The following EPB41 variants were observed in gnomAD, a reference collection of about 807,000 sequenced individuals.
EPB41 encodes the protein erythrocyte membrane protein band 4.1.
A neutral mutation model predicts 108.0 loss-of-function variants in EPB41; 65 were observed. The observed-to-expected ratio is 0.60, with a 90% CI of 0.49 to 0.74. EPB41 has a LOEUF of 0.74. EPB41 is among the 30% of genes least tolerant of loss of function. EPB41 has a pLI of 0.00. For synonymous variants in EPB41, 336 were observed against 358.9 expected (o/e 0.94, Z 0.72); for missense variants, 875 against 1,037.0 (o/e 0.84, Z 2.15).
intron 5 of EPB41, among the ~76,000 whole-genome samples, chr1:29,013,856 A>T (rs66854407): frequency 0.28 from 30,675 of 110,446 alleles, 4,061 homozygotes; most frequent in African/African-American, 0.48. Context: ...TTTTTTTTTT[A>T]ATCACACAAG....
At chr1:28,963,910 CT>C (rs1182071521) in intron 1 of EPB41, among the ~76,000 whole-genome samples, 1 of 152,166 alleles carries the variant, frequency 6.6e-6, no homozygotes, top group African/African-American at 2.4e-5. Context: ...TCAGTTAGTG[CT>C]TTTTTCTGAC....
At chr1:28,955,668 C>A (rs1345301477) in intron 1 of EPB41, among the ~76,000 whole-genome samples, 1 of 152,030 alleles carries the variant, frequency 6.6e-6, no homozygotes, top group Non-Finnish European at 1.5e-5. Context: ...TTCTACTTGA[C>A]TGTCCTCCGT....
chr1:29,105,790 C>T (rs925684410), intron 17 of EPB41, among the ~76,000 whole-genome samples: 12 of 138,474 alleles, frequency 8.7e-5, no homozygotes, highest in Non-Finnish European at 1.7e-4. Context: ...GCTCTGTTGC[C>T]GAGGCTGGAG....
chr1:28,944,817 G>A (rs1211061098), intron 1 of EPB41, among the ~76,000 whole-genome samples: 1 of 150,816 alleles, frequency 6.6e-6, no homozygotes, highest in Non-Finnish European at 1.5e-5. Flanking sequence ...TTACAGGTGT[G>A]TAATGTAATG....
rs1653742071 is a variant in EPB41 at position 29,075,677 on chromosome 1, GA to G, written c.2184+10523del. ...TTTTCTTATCTACTACCTCTTCAAA[GA>G]AAAGTCTTCATATTTATAAGATCCT... On this transcript the variant is annotated intron_variant, in intron 16 of 20. Transcript: ENST00000343067. 2.0e-5 allele frequency among the ~76,000 whole-genome samples: 3 copies of G among 152,124 alleles called. No homozygotes were observed. In the South Asian group the frequency reaches 6.2e-4, roughly 31 times the overall value.
At chr1:28,910,185 T>G (rs1191382696), upstream of EPB41, among the ~76,000 whole-genome samples, 2 of 152,202 alleles carry the variant, frequency 1.3e-5, no homozygotes, top group Non-Finnish European at 2.9e-5. Context: ...TTATAGTGAC[T>G]TACATTTTTT....
intron 12 of EPB41, among the ~76,000 whole-genome samples, chr1:29,056,468 A>G (rs749271964): frequency 2.0e-5 from 3 of 151,968 alleles, no homozygotes; most frequent in Non-Finnish European, 4.4e-5. Flanking sequence ...TCCCCCATGT[A>G]TATTATCTCA....
chr1:29,012,363 C>T lies in EPB41; in HGVS notation c.829+456C>T, dbSNP rs889581510. On this transcript the variant is annotated intron_variant, in intron 5 of 20. Transcript: ENST00000343067. ...TTCCTCTTTATGGTTGTTTTCATCC[C>T]TTTTAACAGTCCTCTTCCAAACTGC... Among the ~76,000 whole-genome samples, 38 of 152,036 alleles carry T rather than the reference C, an allele frequency of 2.5e-4. 1 individual carries two copies. The highest frequency in any genetic ancestry group is 2.9e-5 in the Non-Finnish European group (2 of 68,024).
chr1:28,957,775 G>A (rs1007471548), intron 1 of EPB41, among the ~76,000 whole-genome samples: 2 of 151,958 alleles, frequency 1.3e-5, no homozygotes, highest in African/African-American at 2.4e-5. Flanking sequence ...TTTTGCTGTG[G>A]GGAAAAAATC....
chr1:29,046,779 A>T (rs1414398563), intron 11 of EPB41, among the ~76,000 whole-genome samples: 1 of 152,184 alleles, frequency 6.6e-6, no homozygotes, highest in Non-Finnish European at 1.5e-5. Flanking sequence ...TCATCAGTTG[A>T]TATAATAAAA....
At chr1:28,905,798 CTCTTTCTT>C (rs141238085) in intron 1 of EPB41, among the ~76,000 whole-genome samples, 1 of 150,484 alleles carries the variant, frequency 6.6e-6, no homozygotes, top group South Asian at 2.1e-4. Flanking sequence ...TATGACTTCT[CTCTTTCTT>C]TTTCTTTCTT....
chr1:28,947,281 G>A (rs1360248048), intron 1 of EPB41, among the ~76,000 whole-genome samples: 1 of 150,092 alleles, frequency 6.7e-6, no homozygotes, highest in Non-Finnish European at 1.5e-5. Context: ...GGTGGCGCGC[G>A]CCTGTAGTCC....
intron 15 of EPB41, among the ~76,000 whole-genome samples, chr1:29,061,330 C>T (rs550404100): frequency 8.1e-4 from 123 of 152,042 alleles, no homozygotes; most frequent in South Asian, 2.3e-3. Flanking sequence ...AGTGTAGTGG[C>T]GTGATCTCAG....
intron 2 of EPB41, among the ~76,000 whole-genome samples, chr1:28,988,143 A>T (rs2095912423): frequency 6.6e-6 from 1 of 152,138 alleles, no homozygotes; most frequent in African/African-American, 2.4e-5. Flanking sequence ...GGTGCCTGTA[A>T]TCCCAGCTAC....
chr1:28,952,242 G>A (rs977801865), intron 1 of EPB41, among the ~76,000 whole-genome samples: 6 of 150,332 alleles, frequency 4.0e-5, no homozygotes, highest in African/African-American at 1.2e-4. Context: ...AAAGTGGTTC[G>A]TGCGGCCGGG....
chr1:29,092,339 A>G (rs1264522209), intron 16 of EPB41, among the ~76,000 whole-genome samples: 1 of 151,400 alleles, frequency 6.6e-6, no homozygotes, highest in Non-Finnish European at 1.5e-5. Context: ...TGATCCGCCC[A>G]CCTCAGTCTC....
At chr1:28,888,480 G>A (rs956203840) in intron 1 of EPB41, among the ~76,000 whole-genome samples, 53 of 152,278 alleles carry the variant, frequency 3.5e-4, no homozygotes, top group African/African-American at 1.1e-3. Context: ...TGGGGAGGAG[G>A]GTGGAGATAG....
At chr1:29,084,178 T>C (rs564744242) in intron 16 of EPB41, among the ~76,000 whole-genome samples, 1 of 152,390 alleles carries the variant, frequency 6.6e-6, no homozygotes, top group East Asian at 1.9e-4. Context: ...CTATTCCCAC[T>C]GCCATCTCTG....
At chr1:29,015,329 G>A (rs887563323) in intron 5 of EPB41, among the ~76,000 whole-genome samples, 4 of 151,890 alleles carry the variant, frequency 2.6e-5, no homozygotes, top group Non-Finnish European at 4.4e-5. Context: ...AGGCCGAGGC[G>A]GGTGGATCGC....
Sources: allele counts gnomAD v4.1 joint callset (sites outside exome capture counted in the v4.1 genomes callset), GRCh38; gene constraint gnomAD v4.1.1; transcripts MANE v1.5; gene names NCBI Gene and HGNC (gene_info 2026-07-23, HGNC 2026-07-21).